NPEPPS: variants seen among roughly 807,000 people sequenced by gnomAD.
NPEPPS encodes puromycin-sensitive aminopeptidase.
A neutral mutation model predicts 115.5 loss-of-function variants in NPEPPS; 14 were observed. That is an observed-to-expected ratio of 0.12 (90% confidence interval 0.08 to 0.19). NPEPPS has a LOEUF of 0.19. Ranked by LOEUF, NPEPPS falls within the 10% of genes least tolerant of loss-of-function variation. The pLI, the probability that NPEPPS is intolerant of heterozygous loss-of-function variation, is 1.00. For missense variants in NPEPPS, 523 were observed against 1,110.8 expected (o/e 0.47, Z 7.52); for synonymous variants, 285 against 390.6 (o/e 0.73, Z 3.19).
At chr17:47,578,934 T>A (rs117282667) in intron 3 of NPEPPS, among the ~76,000 whole-genome samples, 6,734 of 152,324 alleles carry the variant, frequency 0.044, 218 homozygotes, top group Middle Eastern at 0.16. Context: ...TATCCCATTC[T>A]CACTACTTAC....
In NPEPPS at chr17:47,571,987, C is replaced by T. The variant is rs1597850648; in HGVS notation, c.418+2493C>T. Among the ~76,000 whole-genome samples the T allele has an allele frequency of 5.9e-5, 9 of 152,218 alleles. No individual in the cohort carries two copies. The South Asian group carries it at 1.9e-3, about 32-fold the overall frequency. The stretch of plus-strand genomic sequence containing the variant: ...TGATCATATGCAGCCATATCACCAA[C>T]TCTACTGGCTCCACTTGGCTCCCAA... On this transcript the variant is annotated intron_variant, in intron 3 of 22. Coordinates refer to ENST00000322157, the MANE Select transcript of NPEPPS (RefSeq NM_006310.4).
rs1171430735 is a variant in NPEPPS, at chr17:47,621,871, G to A, written c.2711G>A (p.Ser904Asn). The A allele has an allele frequency of 1.2e-6, 2 of 1,613,702 alleles. No individual in the cohort carries two copies. Among genetic ancestry groups the A allele is most frequent in the African/African-American group, 1.3e-5 (1 of 74,938 alleles). ...GCCTGGCTAAAGCGAGATGCTGAGAGCATCCACCAGTACCTCCTTCAGCGG... is the reference window on the plus strand; with the variant it reads ...GCCTGGCTAAAGCGAGATGCTGAGAACATCCACCAGTACCTCCTTCAGCGG... ...NAAWLKRDAE[S>N]IHQYLLQRKA... The change falls in exon 23 of 23, where the codon AGC becomes AAC. Residue 904 changes from serine to asparagine, a missense_variant. Ser to Asn is a conservative substitution (Grantham distance 46). This residue lies in a region of NPEPPS where 372 missense variants were observed against 542.6 expected (regional missense o/e 0.69). Coordinates refer to ENST00000322157, the MANE Select transcript of NPEPPS (RefSeq NM_006310.4).
intron 5 of NPEPPS, among the ~76,000 whole-genome samples, chr17:47,583,234 TTC>T (rs2143844972): frequency 6.6e-6 from 1 of 152,316 alleles, no homozygotes; most frequent in East Asian, 1.9e-4. Flanking sequence ...GATTATCTAC[TTC>T]TTTTAATTTA....
At chr17:47,547,542 G>T (rs915486259) in intron 2 of NPEPPS, among the ~76,000 whole-genome samples, 1 of 151,484 alleles carries the variant, frequency 6.6e-6, no homozygotes, top group South Asian at 2.1e-4. Flanking sequence ...TTATAGATAT[G>T]GGGGGGTGGT....
In NPEPPS at chr17:47,592,741, CT is replaced by C. The variant is rs1424935033; in HGVS notation, c.1426+201del. 1.8e-4 allele frequency: 93 copies of C among 509,372 alleles called. 1 individual carries two copies. The highest frequency in any genetic ancestry group is 1.5e-3 in the African/African-American group (79 of 51,444). 31.6% of individuals were successfully genotyped at this position (509,372 alleles called of 1,614,324 possible). A position where few individuals can be genotyped will look rare whatever the true frequency, so the allele number is the denominator to read the frequency against. On this transcript the variant is annotated intron_variant, in intron 12 of 22. Coordinates refer to ENST00000322157, the MANE Select transcript of NPEPPS (RefSeq NM_006310.4). Reference sequence around the variant, plus strand: ...ATTTGAAATGCTCCAGAATCTGAAACTTTTTCTTTCCTTTCTTTCTTTTTTT... The same window carrying C: ...ATTTGAAATGCTCCAGAATCTGAAACTTTTCTTTCCTTTCTTTCTTTTTTT...
chr17:47,555,521 A>G (rs1909943289), intron 2 of NPEPPS, among the ~76,000 whole-genome samples: 1 of 150,882 alleles, frequency 6.6e-6, no homozygotes, highest in African/African-American at 2.4e-5. Flanking sequence ...CTAATTTTGT[A>G]TTTTTAGTAG....
intron 13 of NPEPPS, among the ~76,000 whole-genome samples, chr17:47,596,915 G>A (rs768977768): frequency 2.6e-5 from 4 of 152,136 alleles, no homozygotes; most frequent in Non-Finnish European, 4.4e-5. Flanking sequence ...GAGCATGGTG[G>A]CACACACCTG....
chr17:47,556,946 T>A (rs1362736522), intron 2 of NPEPPS, among the ~76,000 whole-genome samples: 1 of 152,248 alleles, frequency 6.6e-6, no homozygotes, highest in Non-Finnish European at 1.5e-5. Context: ...CCAGCCTGTT[T>A]TACTTTTTTC....
intron 1 of NPEPPS, among the ~76,000 whole-genome samples, chr17:47,523,582 G>A (rs145890280): frequency 0.015 from 2,257 of 151,888 alleles, 23 homozygotes; most frequent in Middle Eastern, 0.031. Flanking sequence ...CACCACACCC[G>A]GCAAATTTTT....
intron 17 of NPEPPS, among the ~76,000 whole-genome samples, chr17:47,611,225 C>T (rs563036729): frequency 1.3e-4 from 20 of 151,522 alleles, no homozygotes; most frequent in South Asian, 6.3e-4. Flanking sequence ...TGTGGCAGGC[C>T]GAGGCAGGTG....
At position 47,584,267 on chromosome 17, in the gene NPEPPS, T is replaced by A. The variant is rs568869722; in HGVS notation, c.649-1233T>A. 5.3e-5 allele frequency among the ~76,000 whole-genome samples: 8 copies of A among 152,112 alleles called. No homozygotes were observed. The South Asian group carries it at 1.5e-3, about 28-fold the overall frequency. On this transcript the variant is annotated intron_variant, in intron 5 of 22. Transcript: ENST00000322157. ...TTGCAACAGAGCAAGACCCTGTCTC[T>A]TATGTTTTTAAAAAGTTAAAAAAAT...
intron 4 of NPEPPS, chr17:47,579,745 C>T (rs1597857886): frequency 1.9e-5 from 7 of 366,056 alleles, no homozygotes; most frequent in Admixed American, 4.4e-5. Flanking sequence ...CTCAAACACA[C>T]GACACATTTT....
rs898672269 is a variant in NPEPPS at position 47,532,658 on chromosome 17, CAAAA to C, written c.255+1123_255+1126del. Among the ~76,000 whole-genome samples the C allele has an allele frequency of 9.7e-4, 50 of 51,430 alleles. 1 individual carries two copies. In the South Asian group the frequency reaches 0.014, roughly 15 times the overall value. The allele number at this position is 51,430 out of a possible 152,430, so 33.7% of individuals were successfully genotyped here. ...TGGGCGACAGAGTGAGACTCCGTCT[CAAAA>C]AAAAAAAAAAAAAAAAAAAGGAAAG... is the stretch of plus-strand genomic sequence containing the variant. On this transcript the variant is annotated intron_variant, in intron 1 of 22. Transcript: ENST00000322157.
chr17:47,583,311 A>G lies in NPEPPS; in HGVS notation c.648+462A>G, dbSNP rs536832343. Reference sequence around the variant, plus strand: ...AAAAGCAAAAGGTCTTGGGCTGGATATGGTGGCTTACACCTGTCATCCCAG... The same window carrying G: ...AAAAGCAAAAGGTCTTGGGCTGGATGTGGTGGCTTACACCTGTCATCCCAG... On this transcript the variant is annotated intron_variant, in intron 5 of 22. Transcript: ENST00000322157. Among the ~76,000 whole-genome samples the G allele has an allele frequency of 3.3e-5, 5 of 151,590 alleles. No homozygotes were observed. In the South Asian group the frequency reaches 1.1e-3, roughly 32 times the overall value.
At chr17:47,534,338 T>C (rs8079821) in intron 1 of NPEPPS, among the ~76,000 whole-genome samples, 77,493 of 151,894 alleles carry the variant, frequency 0.51, 20,280 homozygotes, top group East Asian at 0.66. Flanking sequence ...CTTGGCCTCC[T>C]AAAGAGCTGG....
Position 47,618,992 on chromosome 17 carries a change from T to C in NPEPPS, c.2404-17T>C, listed in dbSNP as rs750768379. On this transcript the variant is annotated splice_polypyrimidine_tract_variant and intron_variant, in intron 20 of 22. Transcript: ENST00000322157. ...GTTTTTGATACACTAGACTTTTAGC[T>C]CTCTTTCTTTTTTTAGGAAGAGGTA... 1 of 1,609,572 alleles carries C rather than the reference T, an allele frequency of 6.2e-7. No individual in the cohort carries two copies. Among genetic ancestry groups the C allele is most frequent in the South Asian group, 1.1e-5 (1 of 90,656 alleles).
chr17:47,560,640 G>A (rs1910368485), intron 2 of NPEPPS, among the ~76,000 whole-genome samples: 1 of 152,146 alleles, frequency 6.6e-6, no homozygotes, highest in Non-Finnish European at 1.5e-5. Flanking sequence ...ATATCCTCCA[G>A]AATGATGTGT....
intron 1 of NPEPPS, among the ~76,000 whole-genome samples, chr17:47,538,199 G>GTTTTTTTTTTTT (rs1292705804): frequency 1.4e-5 from 1 of 72,338 alleles, no homozygotes; most frequent in Non-Finnish European, 2.8e-5. Flanking sequence ...AGCCATATCT[G>GTTTTTTTTTTTT]TTCTTTTTTT....
chr17:47,541,983 G>A (rs1201831612), intron 1 of NPEPPS, among the ~76,000 whole-genome samples: 1 of 152,022 alleles, frequency 6.6e-6, no homozygotes, highest in African/African-American at 2.4e-5. Context: ...TCTCATTTAG[G>A]CAGGTAATTT....
Sources: allele counts gnomAD v4.1 joint callset (sites outside exome capture counted in the v4.1 genomes callset), GRCh38; gene constraint gnomAD v4.1.1; regional missense constraint gnomAD v4.1.1; transcripts MANE v1.5; gene names NCBI Gene and HGNC (gene_info 2026-07-23, HGNC 2026-07-21).